Variants in MGAM observed in about 807,000 individuals in gnomAD.
The protein encoded by MGAM is maltase-glucoamylase.
In MGAM, 253 loss-of-function variants were observed where a neutral mutation model predicts 358.8. The observed-to-expected ratio is 0.71, with a 90% CI of 0.64 to 0.78. The LOEUF is 0.78. Ranked by LOEUF, MGAM falls within the 30% of genes least tolerant of loss-of-function variation. The pLI is 0.00. For synonymous variants in MGAM, 1,105 were observed against 1,227.1 expected (o/e 0.90, Z 2.08); for missense variants, 3,080 against 3,432.6 (o/e 0.90, Z 2.57).
Position 142,056,084 on chromosome 7 carries a change from A to G in MGAM, c.3568A>G (p.Ser1190Gly). The G allele has an allele frequency of 1.2e-6, 2 of 1,607,364 alleles. No individual in the cohort carries two copies. Among genetic ancestry groups the G allele is most frequent in the Non-Finnish European group, 1.7e-6 (2 of 1,176,956 alleles). ...GSAHGVLLLNSNAMDVTFQPL... is the reference protein window; with the variant it reads ...GSAHGVLLLNGNAMDVTFQPL... ...TGCCCATGGAGTGCTCCTGCTGAAC[A>G]GCAATGCCATGGGTAAGGCCATCAG... The change falls in exon 29 of 71, where the codon AGC becomes GGC. Residue 1190 changes from serine (S) to glycine (G), a missense_variant. Around this residue, in one of 5 missense-constraint regions of MGAM, gnomAD observed 1,816 missense variants for 1,840.5 expected, o/e 0.99. Transcript: ENST00000475668.
chr7:142,015,571 C>G (rs782087658), intron 3 of MGAM, among the ~76,000 whole-genome samples: 2 of 151,652 alleles, frequency 1.3e-5, no homozygotes, highest in South Asian at 4.2e-4. Context: ...TATAAATTTT[C>G]TTGAATTTCT....
intron 68 of MGAM, 142 bp from the exon 69 acceptor site, chr7:142,102,488 C>G (rs776700269): frequency 1.3e-6 from 1 of 795,096 alleles, no homozygotes; most frequent in Non-Finnish European, 2.0e-6. Flanking sequence ...ATAGAACACT[C>G]AAAAGACAGA....
chr7:142,055,857 G>C (rs1731958429), intron 28 of MGAM, 131 bp downstream of exon 28: 14 of 1,475,568 alleles, frequency 9.5e-6, no homozygotes, highest in South Asian at 1.2e-5. Context: ...CAATTCTCAG[G>C]CTCCTTTGTT....
rs782738646 is a variant in MGAM, at chr7:142,034,817, G to T, written c.1935G>T (p.Glu645Asp). 5 of 1,612,798 alleles carry T rather than the reference G, an allele frequency of 3.1e-6. No homozygotes were observed. Among genetic ancestry groups the T allele is most frequent in the Non-Finnish European group, 3.4e-6 (4 of 1,179,104 alleles). Residue 645 changes from glutamate (E) to aspartate (D), a missense_variant, in exon 16 of 71, where the codon GAG becomes GAT. Glu to Asp is a conservative substitution (Grantham distance 45). Coordinates refer to ENST00000475668, the MANE Select transcript of MGAM (RefSeq NM_001365693.1). ...DLRWSIPGVL[E>D]FNLFGIPMVG... ...GATGGTCCATCCCTGGCGTGCTTGA[G>T]TTCAACCTTTTTGGCATCCCAATGG...
Position 142,072,209 on chromosome 7 carries a change from C to T in MGAM, c.5186+1091C>T, listed in dbSNP as rs1168223295. Among the ~76,000 whole-genome samples, 31 of 145,894 alleles carry T rather than the reference C, an allele frequency of 2.1e-4. 2 individuals are homozygous for T. The Admixed American group carries it at 2.1e-3, about 10-fold the overall frequency. On this transcript the variant is annotated intron_variant, in intron 44 of 70. Transcript: ENST00000475668. ...CAAAACCAATCACAACCTGGTTCCA[C>T]GTTACCTTAACAACTCTTATCTCCT...
intron 42 of MGAM, among the ~76,000 whole-genome samples, chr7:142,067,987 T>TAAAAA (rs1491516915): frequency 1.5e-4 from 1 of 6,694 alleles, no homozygotes; most frequent in Non-Finnish European, 4.8e-4. Context: ...TATATATATA[T>TAAAAA]TTTTTTTTTT....
chr7:142,019,467 G>T, intron 4 of MGAM, 148 bp downstream of exon 4: 1 of 847,874 alleles, frequency 1.2e-6, no homozygotes, highest in Non-Finnish European at 1.7e-6. Flanking sequence ...TCGAGGACTA[G>T]AATCTATGTG....
intron 37 of MGAM, among the ~76,000 whole-genome samples, chr7:142,065,040 T>C (rs1812584130): frequency 6.6e-6 from 1 of 152,170 alleles, no homozygotes; most frequent in African/African-American, 2.4e-5. Flanking sequence ...CCTTCTCAAA[T>C]ATAGAAAACT....
At position 142,065,958 on chromosome 7, in the gene MGAM, G is replaced by GTTT. The variant is rs1477940566; in HGVS notation, c.4770+129_4770+131dup. On this transcript the variant is annotated intron_variant, in intron 40 of 70. Transcript: ENST00000475668. ...AAAAAAAGGTGTTTTTTTTTGTTTT[G>GTTT]TTTTGTTTTGTTTTTTTTTTTGAAA... 696 of 742,888 alleles carry GTTT rather than the reference G, an allele frequency of 9.4e-4. 21 individuals carry two copies. The African/African-American group carries it at 0.014, about 15-fold the overall frequency. The allele number at this position is 742,888 out of a possible 1,614,324, so 46.0% of individuals were successfully genotyped here. A position where few individuals can be genotyped will look rare whatever the true frequency, so the allele number is the denominator to read the frequency against.
At chr7:142,088,063 G>A (rs1017922036) in intron 57 of MGAM, among the ~76,000 whole-genome samples, 2 of 146,060 alleles carry the variant, frequency 1.4e-5, no homozygotes, top group African/African-American at 4.9e-5. Flanking sequence ...ATATTAGACA[G>A]AACCACACAA....
intron 21 of MGAM, among the ~76,000 whole-genome samples, chr7:142,041,713 C>T (rs1235573172): frequency 2.0e-5 from 3 of 150,090 alleles, no homozygotes; most frequent in African/African-American, 7.4e-5. Context: ...TATTTTACAA[C>T]ATTTGGGCTT....
intron 3 of MGAM, 128 bp downstream of exon 3, chr7:142,008,833 G>C: frequency 1.0e-6 from 1 of 963,778 alleles, no homozygotes. Flanking sequence ...GCAGCCATTA[G>C]TGGCTCAGGC....
chr7:142,012,000 T>C lies in MGAM; in HGVS notation c.327+3295T>C, dbSNP rs534459974. 5.9e-5 allele frequency among the ~76,000 whole-genome samples: 9 copies of C among 152,294 alleles called. 1 individual carries two copies. The South Asian group carries it at 1.9e-3, about 32-fold the overall frequency. On this transcript the variant is annotated intron_variant, in intron 3 of 70. Transcript: ENST00000475668. Reference sequence around the variant, plus strand: ...CAGAGTCGAGACTAATTTTATTCATTCGTTAGTTCAAACTTGCTGCACATA... The same window carrying C: ...CAGAGTCGAGACTAATTTTATTCATCCGTTAGTTCAAACTTGCTGCACATA...
intron 57 of MGAM, among the ~76,000 whole-genome samples, chr7:142,087,307 G>T (rs1814851603): frequency 6.9e-6 from 1 of 145,556 alleles, no homozygotes; most frequent in Non-Finnish European, 1.6e-5. Flanking sequence ...GGGATGGTTT[G>T]TTGCTTGTAA....
chr7:142,030,488 A>G lies in MGAM; in HGVS notation c.1348A>G (p.Ile450Val), dbSNP rs782310137. The change falls in exon 11 of 71, where the codon ATT (isoleucine) becomes GTT (valine). Residue 450 changes from isoleucine (I) to valine (V), a missense_variant. Physicochemically the swap from Ile to Val is conservative, Grantham distance 29 (BLOSUM62 3). Around this residue, in one of 5 missense-constraint regions of MGAM, gnomAD observed 1,816 missense variants for 1,840.5 expected, o/e 0.99. Coordinates refer to ENST00000475668, the MANE Select transcript of MGAM (RefSeq NM_001365693.1). ...CAATAATGGACAGAAGCTTGTCATC[A>G]TTGTGGTATGTACTGCCCTCTTTCC... is the stretch of plus-strand genomic sequence containing the variant. The part of the protein sequence containing the change: ...LHNNGQKLVI[I>V]VDPAISNNSS... The G allele has an allele frequency of 1.9e-5, 31 of 1,613,636 alleles. No individual in the cohort carries two copies. Among genetic ancestry groups the G allele is most frequent in the Non-Finnish European group, 2.5e-5 (30 of 1,179,710 alleles).
chr7:142,070,423 T>C lies in MGAM; in HGVS notation c.5062-571T>C, dbSNP rs936095425. ...TGGAACACAGCCATGCATATTTGTT[T>C]GCTTGTTGTCAACAATAACTGCTTC... On this transcript the variant is annotated intron_variant, in intron 43 of 70. Transcript: ENST00000475668. Among the ~76,000 whole-genome samples, 40 of 146,262 alleles carry C rather than the reference T, an allele frequency of 2.7e-4. 3 individuals carry two copies. The Middle Eastern group carries it at 0.011, about 39-fold the overall frequency.
At chr7:142,005,294 A>G (rs1465450380) in intron 1 of MGAM, among the ~76,000 whole-genome samples, 1 of 152,126 alleles carries the variant, frequency 6.6e-6, no homozygotes, top group African/African-American at 2.4e-5. Flanking sequence ...TTTTAGATTA[A>G]AAGACATGAG....
In MGAM at chr7:142,078,388, G is replaced by A. The variant is rs1320870217; in HGVS notation, c.5564G>A (p.Arg1855Lys). The A allele has an allele frequency of 2.0e-6, 3 of 1,528,334 alleles. No homozygotes were observed. The highest frequency in any genetic ancestry group is 2.7e-6 in the Non-Finnish European group (3 of 1,116,928). The allele number at this position is 1,528,334 out of a possible 1,614,324, so 94.7% of individuals were successfully genotyped here. A position where few individuals can be genotyped will look rare whatever the true frequency, so the allele number is the denominator to read the frequency against. ...ACAGTGGAGTGGAGCATAAAGATAA[G>A]GGATGAAGAAAAAATAGACTGTTAC... is the stretch of plus-strand genomic sequence containing the variant. The part of the protein sequence containing the change: ...AYTVEWSIKI[R>K]DEEKIDCYPD... The change falls in exon 48 of 71, where the codon AGG becomes AAG. Residue 1855 changes from arginine (R) to lysine (K), a missense_variant. Arg to Lys is a conservative substitution (Grantham distance 26). Coordinates refer to ENST00000475668, the MANE Select transcript of MGAM (RefSeq NM_001365693.1).
chr7:142,056,845 C>A lies in MGAM; in HGVS notation c.3596C>A (p.Pro1199His). The change falls in exon 30 of 71, where the codon CCC becomes CAC. Residue 1199 changes from proline (P) to histidine (H), a missense_variant. This residue lies in a region of MGAM where 1,816 missense variants were observed against 1,840.5 expected (regional missense o/e 0.99). Coordinates refer to ENST00000475668, the MANE Select transcript of MGAM (RefSeq NM_001365693.1). ...TTATTTTCAGATGTGACGTTCCAGC[C>A]CCTGCCTGCCTTGACATACCGCACC... ...NSNAMDVTFQ[P>H]LPALTYRTTG... The A allele has an allele frequency of 6.2e-7, 1 of 1,613,780 alleles. No homozygotes were observed. Among genetic ancestry groups the A allele is most frequent in the South Asian group, 1.1e-5 (1 of 91,064 alleles).
Sources: allele counts gnomAD v4.1 joint callset (sites outside exome capture counted in the v4.1 genomes callset), GRCh38; gene constraint gnomAD v4.1.1; regional missense constraint gnomAD v4.1.1; transcripts MANE v1.5; gene names NCBI Gene and HGNC (gene_info 2026-07-23, HGNC 2026-07-21).